Variants in IL1RAPL2 observed in about 807,000 individuals in gnomAD.
IL1RAPL2 encodes the protein X-linked interleukin-1 receptor accessory protein-like 2.
IL1RAPL2 carries 3 observed loss-of-function variants against 44.1 expected under a neutral mutation model. That is an observed-to-expected ratio of 0.07 (90% CI 0.03 to 0.18). IL1RAPL2 has a LOEUF of 0.18. Among genes scored for constraint, IL1RAPL2 ranks in the 10% least tolerant of loss-of-function variants. The pLI is 1.00. For missense variants in IL1RAPL2, 391 were observed against 496.4 expected (o/e 0.79, Z 2.02); for synonymous variants, 181 against 178.8 (o/e 1.01, Z -0.10).
intron 2 of IL1RAPL2, among the ~76,000 whole-genome samples, chrX:104,926,975 G>C (rs1412466521): frequency 9.0e-6 from 1 of 111,573 alleles, no homozygotes; most frequent in Non-Finnish European, 1.9e-5. Flanking sequence ...CTAGCTGTGT[G>C]ACTTTGGGAA....
chrX:105,240,353 T>A (rs2034159765), intron 4 of IL1RAPL2, among the ~76,000 whole-genome samples: 1 of 112,676 alleles, frequency 8.9e-6, no homozygotes, highest in Non-Finnish European at 1.9e-5. Flanking sequence ...AAATTGTGTA[T>A]CTATACAATT....
At chrX:105,365,224 G>A (rs1351994506) in intron 5 of IL1RAPL2, among the ~76,000 whole-genome samples, 2 of 111,581 alleles carry the variant, frequency 1.8e-5, no homozygotes, top group South Asian at 3.7e-4. Context: ...ATATGTTGAT[G>A]TATCCTTGCA....
At chrX:105,673,640 T>C (rs773339035) in intron 6 of IL1RAPL2, among the ~76,000 whole-genome samples, 21 of 112,168 alleles carry the variant, frequency 1.9e-4, no homozygotes, top group Admixed American at 5.7e-4. Context: ...CACATGCATG[T>C]ATCTTTGTAA....
chrX:105,429,855 G>A (rs970353186), intron 5 of IL1RAPL2, among the ~76,000 whole-genome samples: 2 of 111,188 alleles, frequency 1.8e-5, no homozygotes, highest in Admixed American at 1.9e-4. Context: ...CAGAACCTTG[G>A]TATAAAGAAT....
In IL1RAPL2 at chrX:105,044,763, G is replaced by A. The variant is rs540449027; in HGVS notation, c.83-150712G>A. On this transcript the variant is annotated intron_variant, in intron 2 of 10. Coordinates refer to ENST00000372582, the MANE Select transcript of IL1RAPL2 (RefSeq NM_017416.2). ...TGAATCCTCCACTCCTATTCTGATT[G>A]GAGACAGAAGGTTTACTCTTTGGGG... Among the ~76,000 whole-genome samples the A allele has an allele frequency of 3.6e-5, 4 of 111,520 alleles. No individual in the cohort carries two copies. In the South Asian group the frequency reaches 1.5e-3, roughly 42 times the overall value.
intron 2 of IL1RAPL2, among the ~76,000 whole-genome samples, chrX:105,170,871 A>G (rs1426252974): frequency 6.2e-5 from 7 of 112,004 alleles, no homozygotes; most frequent in Non-Finnish European, 1.3e-4. Context: ...AGGATTCAGA[A>G]AAGTTTAGAC....
intron 6 of IL1RAPL2, among the ~76,000 whole-genome samples, chrX:105,689,137 CA>C (rs760974862): frequency 8.9e-6 from 1 of 111,866 alleles, no homozygotes; most frequent in East Asian, 2.8e-4. Context: ...AAAACCTAAG[CA>C]ATACCATTCA....
At chrX:104,702,454 A>G (rs1265394633) in intron 2 of IL1RAPL2, among the ~76,000 whole-genome samples, 1 of 112,310 alleles carries the variant, frequency 8.9e-6, no homozygotes, top group Non-Finnish European at 1.9e-5. Context: ...AACAAAAAAC[A>G]TAAAAAAAGA....
At chrX:105,134,155 A>G (rs2033054307) in intron 2 of IL1RAPL2, among the ~76,000 whole-genome samples, 1 of 111,962 alleles carries the variant, frequency 8.9e-6, no homozygotes, top group African/African-American at 3.2e-5. Flanking sequence ...TTAAACATTT[A>G]CTTGTGATGC....
chrX:105,112,567 G>A (rs1423983191), intron 2 of IL1RAPL2, among the ~76,000 whole-genome samples: 1 of 112,681 alleles, frequency 8.9e-6, no homozygotes, highest in Non-Finnish European at 1.9e-5. Context: ...ACAGAAAAGT[G>A]AATAACAAAT....
intron 6 of IL1RAPL2, among the ~76,000 whole-genome samples, chrX:105,615,738 TA>T (rs1019466410): frequency 8.9e-6 from 1 of 111,817 alleles, no homozygotes; most frequent in African/African-American, 3.2e-5. Context: ...TAGTTTAAAA[TA>T]ATAAATAAGA....
intron 6 of IL1RAPL2, among the ~76,000 whole-genome samples, chrX:105,552,301 T>A (rs2036863320): frequency 8.9e-6 from 1 of 111,866 alleles, no homozygotes; most frequent in African/African-American, 3.3e-5. Context: ...TGGCTCATAG[T>A]AGGCATTTAA....
At chrX:105,384,521 A>G (rs1049037761) in intron 5 of IL1RAPL2, among the ~76,000 whole-genome samples, 5 of 111,619 alleles carry the variant, frequency 4.5e-5, no homozygotes, top group African/African-American at 1.6e-4. Context: ...GTTTTGTAGT[A>G]TAATTTGAAG....
chrX:105,749,162 G>C (rs2038576110), intron 9 of IL1RAPL2, 59 bp downstream of exon 9: 1 of 1,095,863 alleles, frequency 9.1e-7, no homozygotes. Context: ...GATTATGTAA[G>C]AGAACTTCCC....
chrX:105,745,555 T>G (rs965042432), intron 8 of IL1RAPL2, among the ~76,000 whole-genome samples: 3 of 112,260 alleles, frequency 2.7e-5, no homozygotes, highest in African/African-American at 9.7e-5. Flanking sequence ...AGATGGCACT[T>G]TCTTTGTGTC....
chrX:104,644,368 A>T (rs1446608671), intron 1 of IL1RAPL2, among the ~76,000 whole-genome samples: 8 of 111,356 alleles, frequency 7.2e-5, no homozygotes, highest in Non-Finnish European at 1.3e-4. Context: ...TTCCTTTTCT[A>T]CAGATAAACT....
intron 4 of IL1RAPL2, among the ~76,000 whole-genome samples, chrX:105,241,135 C>T (rs1182948945): frequency 6.3e-5 from 7 of 111,546 alleles, no homozygotes; most frequent in Non-Finnish European, 1.3e-4. Flanking sequence ...CTGTTTACCT[C>T]TCTTTTGGAT....
intron 2 of IL1RAPL2, among the ~76,000 whole-genome samples, chrX:104,767,684 C>T (rs1932579221): frequency 1.8e-5 from 2 of 111,585 alleles, no homozygotes; most frequent in African/African-American, 6.5e-5. Context: ...ATAATGGTAC[C>T]CATAGTACAA....
intron 2 of IL1RAPL2, among the ~76,000 whole-genome samples, chrX:105,184,531 TATA>T (rs2033566113): frequency 9.1e-6 from 1 of 109,762 alleles, no homozygotes; most frequent in African/African-American, 3.3e-5. Flanking sequence ...ATTTAAATAA[TATA>T]ATTTATAAAA....
Sources: allele counts gnomAD v4.1 joint callset (sites outside exome capture counted in the v4.1 genomes callset), GRCh38; gene constraint gnomAD v4.1.1; transcripts MANE v1.5; gene names NCBI Gene and HGNC (gene_info 2026-07-23, HGNC 2026-07-21).